The following SCNN1A variants were observed in gnomAD, a reference collection of about 807,000 sequenced individuals.
The protein encoded by SCNN1A is sodium channel epithelial 1 subunit alpha, also known as epithelial sodium channel subunit alpha.
A neutral mutation model predicts 68.6 loss-of-function variants in SCNN1A; 65 were observed. The ratio of observed to expected loss-of-function variants is 0.95; its 90% CI spans 0.78 to 1.16. The LOEUF (loss-of-function observed/expected upper bound fraction) is 1.16, where lower values mean the gene tolerates loss of function less well. SCNN1A is among the 50% of genes most tolerant of loss of function. The pLI is 0.00. For synonymous variants in SCNN1A, 357 were observed against 353.3 expected (o/e 1.01, Z -0.12); for missense variants, 880 against 865.9 (o/e 1.02, Z -0.20).
intron 2 of SCNN1A, among the ~76,000 whole-genome samples, chr12:6,365,382 A>C (rs760899387): frequency 1.3e-5 from 2 of 152,212 alleles, no homozygotes; most frequent in East Asian, 3.8e-4. Context: ...AAATGCAAAC[A>C]ATCTAGAATA....
intron 2 of SCNN1A, among the ~76,000 whole-genome samples, chr12:6,371,954 A>G (rs1948801883): frequency 1.3e-5 from 2 of 151,900 alleles, no homozygotes; most frequent in Admixed American, 6.6e-5. Context: ...GCGCCACCAC[A>G]CCTGGCTGAT....
upstream of SCNN1A, chr12:6,376,222 G>A (rs72645145): frequency 1.0e-6 from 1 of 982,024 alleles, no homozygotes; most frequent in Admixed American, 6.1e-5. Flanking sequence ...GCCTCCTCCT[G>A]GTCCCTCCTC....
chr12:6,349,117 T>G (rs376130510), intron 10 of SCNN1A, 47 bp downstream of exon 10: 1 of 1,606,446 alleles, frequency 6.2e-7, no homozygotes, highest in African/African-American at 1.3e-5. Flanking sequence ...GGCCACAGCA[T>G]TACATGGGCA....
At position 6,348,236 on chromosome 12, in the gene SCNN1A, G is replaced by T. The variant is rs764684762; in HGVS notation, c.1647C>A (p.Ser549=). ...SPSVTMVTLL[S]NLGSQWSLWF... is the part of the protein sequence containing the mutation. ...ACAGGCTCCACTGGCTGCCCAGGTT[G>T]GACAGGAGGGTGACCATCTGTGAGA... Residue 549 remains serine, a synonymous_variant, in exon 13 of 13, where the codon TCC becomes TCA. Coordinates refer to ENST00000228916, the MANE Select transcript of SCNN1A (RefSeq NM_001038.6). 6.2e-7 allele frequency: 1 copy of T among 1,614,018 alleles called. No individual in the cohort carries two copies. Among genetic ancestry groups the T allele is most frequent in the Non-Finnish European group, 8.5e-7 (1 of 1,180,016 alleles).
At chr12:6,364,389 CCAAAA>C (rs1423654153) in intron 2 of SCNN1A, among the ~76,000 whole-genome samples, 3 of 152,192 alleles carry the variant, frequency 2.0e-5, no homozygotes, top group South Asian at 4.2e-4. Flanking sequence ...ATGTCATCTA[CCAAAA>C]CAAAACAAAT....
At position 6,348,115 on chromosome 12, in the gene SCNN1A, T is replaced by C. The variant is rs1948295951; in HGVS notation, c.1768A>G (p.Ser590Gly). Residue 590 changes from serine to glycine, a missense_variant, in exon 13 of 13, where the codon AGC (serine) becomes GGC (glycine). Ser to Gly is a moderately conservative substitution (Grantham distance 56). Coordinates refer to ENST00000228916, the MANE Select transcript of SCNN1A (RefSeq NM_001038.6). ...MFLMLLRRFR[S>G]RYWSPGRGGR... ...CCTCGGCCTGGAGACCAGTATCGGC[T>C]TCGGAACCTTCGGAGCAGCATGAGG... The C allele has an allele frequency of 6.2e-7, 1 of 1,614,094 alleles. No homozygotes were observed. Among genetic ancestry groups the C allele is most frequent in the Non-Finnish European group, 8.5e-7 (1 of 1,180,018 alleles).
chr12:6,366,004 G>T (rs1447799100), intron 2 of SCNN1A, among the ~76,000 whole-genome samples: 1 of 152,068 alleles, frequency 6.6e-6, no homozygotes, highest in Non-Finnish European at 1.5e-5. Context: ...ACAGGTGCGT[G>T]CCACCACGCC....
rs557998810 is a variant in SCNN1A, at chr12:6,374,840, T to C, written c.-54-3A>G. On this transcript the variant is annotated splice_region_variant and splice_polypyrimidine_tract_variant and intron_variant, in intron 1 of 12. Transcript: ENST00000228916. The surrounding 1 kb of genome is among the most constrained non-coding windows in gnomAD (Gnocchi z 6.2). ...TCCTGCTCCTCCAGCTTGTTCCCCT[T>C]CATGAGCCCCGGAGTGGATTGGGGA... 1 of 1,614,072 alleles carries C rather than the reference T, an allele frequency of 6.2e-7. No individual in the cohort carries two copies. The highest frequency in any genetic ancestry group is 2.2e-5 in the East Asian group (1 of 44,860).
chr12:6,355,497 G>A (rs1592067823), intron 5 of SCNN1A, 62 bp from the exon 6 acceptor site: 2 of 1,565,706 alleles, frequency 1.3e-6, no homozygotes, highest in African/African-American at 1.4e-5. Context: ...GTTAGGAGAT[G>A]GAAATCCACT....
chr12:6,366,029 T>C (rs1442785925), intron 2 of SCNN1A, among the ~76,000 whole-genome samples: 2 of 152,118 alleles, frequency 1.3e-5, no homozygotes, highest in African/African-American at 4.8e-5. Context: ...TAATTTTTTG[T>C]ATTTTTAGTA....
upstream of SCNN1A, chr12:6,377,180 G>T: frequency 1.5e-6 from 2 of 1,318,262 alleles, no homozygotes; most frequent in South Asian, 1.3e-5. Flanking sequence ...CCTCTCTTGC[G>T]GCAGTCTCTT....
intron 4 of SCNN1A, among the ~76,000 whole-genome samples, chr12:6,360,676 GC>G (rs1337383222): frequency 4.6e-5 from 7 of 152,222 alleles, no homozygotes. Flanking sequence ...GGGAGGGAAT[GC>G]CCCCTGTAGA....
At chr12:6,365,248 G>A (rs577555096) in intron 2 of SCNN1A, among the ~76,000 whole-genome samples, 7 of 152,146 alleles carry the variant, frequency 4.6e-5, no homozygotes, top group African/African-American at 1.7e-4. Context: ...CAACTCCTGA[G>A]CCCAAGCAAT....
At position 6,347,962 on chromosome 12, in the gene SCNN1A, G is replaced by A. The variant is rs769880079; in HGVS notation, c.1921C>T (p.Pro641Ser). Residue 641 changes from proline (P) to serine (S), a missense_variant, in exon 13 of 13, where the codon CCC becomes TCC. Pro to Ser is a moderately conservative substitution (Grantham distance 74). Transcript: ENST00000228916. The part of the protein sequence containing the change: ...PAPSPALTAP[P>S]PAYATLGPRP... Reference sequence around the variant, plus strand: ...GGGCCCAGGGTGGCATAGGCAGGGGGAGGGGCTGTCAAGGCTGGAGAGGGA... The same window carrying A: ...GGGCCCAGGGTGGCATAGGCAGGGGAAGGGGCTGTCAAGGCTGGAGAGGGA... 6.4e-7 allele frequency: 1 copy of A among 1,565,662 alleles called. No individual in the cohort carries two copies. The highest frequency in any genetic ancestry group is 8.7e-7 in the Non-Finnish European group (1 of 1,150,538).
rs113961044 is a variant in SCNN1A at position 6,348,324 on chromosome 12, C to G, written c.1630-71G>C. 13 of 1,609,210 alleles carry G rather than the reference C, an allele frequency of 8.1e-6. No homozygotes were observed. The South Asian group carries it at 1.4e-4, about 18-fold the overall frequency. ...TGGACTCTGGCAGAGGAGCCCCCTTCCCTCCTCACCAAGCTGTCTCCCTTC... is the reference window on the plus strand; with the variant it reads ...TGGACTCTGGCAGAGGAGCCCCCTTGCCTCCTCACCAAGCTGTCTCCCTTC... On this transcript the variant is annotated intron_variant, in intron 12 of 12. Coordinates refer to ENST00000228916, the MANE Select transcript of SCNN1A (RefSeq NM_001038.6).
At chr12:6,368,196 C>G (rs765120345) in intron 2 of SCNN1A, among the ~76,000 whole-genome samples, 2 of 152,176 alleles carry the variant, frequency 1.3e-5, no homozygotes, top group African/African-American at 4.8e-5. Context: ...CAATGAACCT[C>G]GAATCGAGTG....
rs1326044354 is a variant in SCNN1A, at chr12:6,356,079, C to T, written c.876-199G>A. ...CTCACACTCCCTCAGTCACTCCAACCAACAGCCTGTGAGAGTCTCATCCTC... is the reference window on the plus strand; with the variant it reads ...CTCACACTCCCTCAGTCACTCCAACTAACAGCCTGTGAGAGTCTCATCCTC... On this transcript the variant is annotated intron_variant, in intron 4 of 12. Transcript: ENST00000228916. 3 of 632,240 alleles carry T rather than the reference C, an allele frequency of 4.7e-6. No individual in the cohort carries two copies. The East Asian group carries it at 8.4e-5, about 18-fold the overall frequency. 39.2% of individuals were successfully genotyped at this position (632,240 alleles called of 1,614,324 possible).
At chr12:6,366,109 C>T (rs1158883768) in intron 2 of SCNN1A, among the ~76,000 whole-genome samples, 1 of 152,208 alleles carries the variant, frequency 6.6e-6, no homozygotes, top group Non-Finnish European at 1.5e-5. Flanking sequence ...CCGTCTCGGC[C>T]TCCCAATGTG....
rs150898955 is a variant in SCNN1A at position 6,358,723 on chromosome 12, G to A, written c.876-2843C>T. ...AAATTAAAAAAAATTAGCTGGGCATGGTGGCATGAGCCTGTAGTCCCAGCT... is the reference window on the plus strand; with the variant it reads ...AAATTAAAAAAAATTAGCTGGGCATAGTGGCATGAGCCTGTAGTCCCAGCT... On this transcript the variant is annotated intron_variant, in intron 4 of 12. Transcript: ENST00000228916. Among the ~76,000 whole-genome samples, 4 of 152,090 alleles carry A rather than the reference G, an allele frequency of 2.6e-5. No homozygotes were observed. In the East Asian group the frequency reaches 7.7e-4, roughly 29 times the overall value.
Sources: allele counts gnomAD v4.1 joint callset (sites outside exome capture counted in the v4.1 genomes callset), GRCh38; gene constraint gnomAD v4.1.1; non-coding constraint Gnocchi (gnomAD v3.1); transcripts MANE v1.5; gene names NCBI Gene and HGNC (gene_info 2026-07-23, HGNC 2026-07-21).